RXYLT1: variants seen among roughly 807,000 people sequenced by gnomAD.
RXYLT1 encodes ribitol-5-phosphate xylosyltransferase 1.
In RXYLT1, 41 loss-of-function variants were observed where a neutral mutation model predicts 43.5. The observed-to-expected ratio is 0.94, with a 90% CI of 0.73 to 1.22. The LOEUF (loss-of-function observed/expected upper bound fraction) is 1.22. Ranked by LOEUF, RXYLT1 falls within the 50% of genes most tolerant of loss-of-function variation. The probability of loss-of-function intolerance (pLI) is 0.00; values close to 1 mark genes in which losing one functional copy is unlikely to be tolerated. For missense variants in RXYLT1, 514 were observed against 532.0 expected (o/e 0.97, Z 0.33); for synonymous variants, 166 against 194.4 (o/e 0.85, Z 1.21).
chr12:63,801,073 GT>G (rs2136231080), intron 3 of RXYLT1, among the ~76,000 whole-genome samples: 1 of 152,182 alleles, frequency 6.6e-6, no homozygotes, highest in Non-Finnish European at 1.5e-5. Context: ...CCTTTGTACT[GT>G]TTTCTAGTCC....
In RXYLT1 at chr12:63,808,712, T is replaced by G. The variant is rs1326163575; in HGVS notation, c.952T>G (p.Tyr318Asp). The change falls in exon 6 of 6, where the codon TAC becomes GAC. Residue 318 changes from tyrosine (Y) to aspartate (D), a missense_variant. Tyr to Asp is a radical substitution (Grantham distance 160). Coordinates refer to ENST00000261234, the MANE Select transcript of RXYLT1 (RefSeq NM_014254.3). Reference sequence around the variant, plus strand: ...GGAAACAAATGAAAGTCTTAAGAATTACCAAGATGCCTTGCTTCAGAGTGA... The same window carrying G: ...GGAAACAAATGAAAGTCTTAAGAATGACCAAGATGCCTTGCTTCAGAGTGA... ...PQETNESLKN[Y>D]QDALLQSDLT... The G allele has an allele frequency of 6.2e-7, 1 of 1,604,120 alleles. No individual in the cohort carries two copies. Among genetic ancestry groups the G allele is most frequent in the East Asian group, 2.2e-5 (1 of 44,838 alleles).
intron 2 of RXYLT1, among the ~76,000 whole-genome samples, chr12:63,784,238 T>C (rs1897751162): frequency 6.6e-6 from 1 of 152,176 alleles, no homozygotes; most frequent in Non-Finnish European, 1.5e-5. Context: ...ATTTTAAACG[T>C]GGTGGCTTGC....
At chr12:63,782,953 A>G (rs1191952520) in intron 2 of RXYLT1, among the ~76,000 whole-genome samples, 2 of 151,890 alleles carry the variant, frequency 1.3e-5, no homozygotes, top group Non-Finnish European at 2.9e-5. Flanking sequence ...CTTTTTTCTT[A>G]TATTTCACTA....
At chr12:63,788,847 G>A (rs1044527512) in intron 3 of RXYLT1, among the ~76,000 whole-genome samples, 1 of 152,248 alleles carries the variant, frequency 6.6e-6, no homozygotes, top group Admixed American at 6.5e-5. Context: ...GGCATAAGAG[G>A]CCTAGCTTTT....
At position 63,781,064 on chromosome 12, in the gene RXYLT1, A is replaced by G; in HGVS notation, c.215A>G (p.Asp72Gly). 6.2e-7 allele frequency: 1 copy of G among 1,608,662 alleles called. No individual in the cohort carries two copies. The highest frequency in any genetic ancestry group is 8.5e-7 in the Non-Finnish European group (1 of 1,178,080). ...ESEEWNPWEG[D>G]EKNEQQHRFK... ...GAAGAATGGAATCCTTGGGAAGGAG[A>G]TGAAAAAAATGAGCAACAACACAGA... is the stretch of plus-strand genomic sequence containing the variant. Residue 72 changes from aspartate (D) to glycine (G), a missense_variant, in exon 2 of 6, where the codon GAT (aspartate) becomes GGT (glycine). By Grantham distance (94) the Asp-to-Gly change is moderately conservative. Coordinates refer to ENST00000261234, the MANE Select transcript of RXYLT1 (RefSeq NM_014254.3).
intron 2 of RXYLT1, among the ~76,000 whole-genome samples, chr12:63,783,410 G>A (rs1393117532): frequency 6.6e-6 from 1 of 151,956 alleles, no homozygotes. Flanking sequence ...GCAGTGAGCC[G>A]AGATCATGCC....
chr12:63,792,837 T>A (rs549721103), intron 3 of RXYLT1, among the ~76,000 whole-genome samples: 283 of 152,326 alleles, frequency 1.9e-3, no homozygotes, highest in African/African-American at 6.6e-3. Flanking sequence ...CATGATAGAT[T>A]AGTCCACATC....
chr12:63,799,659 T>C (rs1024814636), intron 3 of RXYLT1, among the ~76,000 whole-genome samples: 3 of 152,026 alleles, frequency 2.0e-5, no homozygotes. Context: ...CAAATTTGAG[T>C]CTGATCTGTA....
chr12:63,783,535 G>T (rs1409120315), intron 2 of RXYLT1, among the ~76,000 whole-genome samples: 1 of 151,906 alleles, frequency 6.6e-6, no homozygotes, highest in African/African-American at 2.4e-5. Context: ...GACAATACAG[G>T]TTTTCTCTAC....
intron 5 of RXYLT1, chr12:63,808,227 T>C (rs1898353614): frequency 6.0e-6 from 1 of 166,470 alleles, no homozygotes; most frequent in Non-Finnish European, 1.3e-5. Context: ...ATCACTTATT[T>C]AAGATTGCAA....
At chr12:63,801,133 G>A (rs1898150314) in intron 3 of RXYLT1, among the ~76,000 whole-genome samples, 1 of 151,994 alleles carries the variant, frequency 6.6e-6, no homozygotes, top group South Asian at 2.1e-4. Flanking sequence ...TAAATTTGAT[G>A]TGGATCCTCC....
chr12:63,799,628 A>G (rs1898114651), intron 3 of RXYLT1, among the ~76,000 whole-genome samples: 1 of 151,968 alleles, frequency 6.6e-6, no homozygotes, highest in African/African-American at 2.4e-5. Flanking sequence ...CATGATATAT[A>G]TGGACTTAAT....
chr12:63,800,499 G>C (rs1326012585), intron 3 of RXYLT1, among the ~76,000 whole-genome samples: 1 of 152,040 alleles, frequency 6.6e-6, no homozygotes, highest in Non-Finnish European at 1.5e-5. Flanking sequence ...AATGGTACTT[G>C]TTCTATTTAA....
rs762553539 is a variant in RXYLT1, at chr12:63,809,117, T to C, written c.*25T>C. ...ATTATCTTTTTGAGCTAACATGTGA[T>C]TTTTAAAATCATTTTGACTACTGGG... On this transcript the variant is annotated 3_prime_UTR_variant, in exon 6 of 6. Coordinates refer to ENST00000261234, the MANE Select transcript of RXYLT1 (RefSeq NM_014254.3). 2.8e-6 allele frequency: 4 copies of C among 1,434,930 alleles called. No homozygotes were observed. The highest frequency in any genetic ancestry group is 1.3e-5 in the South Asian group (1 of 77,734). The allele number at this position is 1,434,930 out of a possible 1,614,324, so 88.9% of individuals were successfully genotyped here. A position where few individuals can be genotyped will look rare whatever the true frequency, so the allele number is the denominator to read the frequency against.
At chr12:63,802,667 T>C (rs1898190147) in intron 4 of RXYLT1, among the ~76,000 whole-genome samples, 1 of 152,142 alleles carries the variant, frequency 6.6e-6, no homozygotes, top group African/African-American at 2.4e-5. Context: ...TTTTTCAAGC[T>C]TATTAGGAGT....
intron 4 of RXYLT1, among the ~76,000 whole-genome samples, chr12:63,803,526 A>G (rs973499299): frequency 1.3e-5 from 2 of 152,090 alleles, no homozygotes; most frequent in South Asian, 4.2e-4. Context: ...ACTGCTGCCT[A>G]GTTAGCGACA....
At chr12:63,797,931 G>C (rs1466595941) in intron 3 of RXYLT1, among the ~76,000 whole-genome samples, 1 of 152,122 alleles carries the variant, frequency 6.6e-6, no homozygotes, top group African/African-American at 2.4e-5. Context: ...TAGATGGGAA[G>C]ATGAGAGAGG....
intron 3 of RXYLT1, among the ~76,000 whole-genome samples, chr12:63,801,240 T>C (rs1165862873): frequency 1.4e-5 from 2 of 144,478 alleles, no homozygotes; most frequent in African/African-American, 5.0e-5. Flanking sequence ...GTGAGTGTCC[T>C]AATCCTTGCT....
At position 63,808,670 on chromosome 12, in the gene RXYLT1, T is replaced by C. The variant is rs1898367918; in HGVS notation, c.915-5T>C. 1 of 1,593,244 alleles carries C rather than the reference T, an allele frequency of 6.3e-7. No individual in the cohort carries two copies. The highest frequency in any genetic ancestry group is 1.9e-5 in the Admixed American group (1 of 52,022). On this transcript the variant is annotated splice_region_variant and splice_polypyrimidine_tract_variant and intron_variant, in intron 5 of 5. Coordinates refer to ENST00000261234, the MANE Select transcript of RXYLT1 (RefSeq NM_014254.3). ...AAAACTACAGTTGTTTTTCTGATTT[T>C]CTAGCTGGCAGCCTCAGGAAACAAA...
Sources: allele counts gnomAD v4.1 joint callset (sites outside exome capture counted in the v4.1 genomes callset), GRCh38; gene constraint gnomAD v4.1.1; transcripts MANE v1.5; gene names NCBI Gene and HGNC (gene_info 2026-07-23, HGNC 2026-07-21).